Variants in SOAT1 observed in about 807,000 individuals in gnomAD.
SOAT1 encodes the protein sterol O-acyltransferase 1, also known as acyl-coenzyme A:cholesterol acyltransferase 1.
Under a neutral mutation model 69.5 loss-of-function variants are expected in SOAT1, and 55 were observed. The ratio of observed to expected loss-of-function variants is 0.79; its 90% CI spans 0.64 to 0.99. The LOEUF (loss-of-function observed/expected upper bound fraction) is 0.99. Among genes scored for constraint, SOAT1 ranks in the 50% least tolerant of loss-of-function variants. SOAT1 has a pLI of 0.00. For synonymous variants in SOAT1, 231 were observed against 224.7 expected (o/e 1.03, Z -0.25); for missense variants, 580 against 669.3 (o/e 0.87, Z 1.47).
At chr1:179,351,047 T>C (rs200510703) in intron 14 of SOAT1, among the ~76,000 whole-genome samples, 88,510 of 131,982 alleles carry the variant, frequency 0.67, 29,610 homozygotes, top group East Asian at 0.88. Context: ...TTTTTTTTTT[T>C]TTTTTTTTTT....
chr1:179,321,791 CA>C (rs1167291415), intron 2 of SOAT1, among the ~76,000 whole-genome samples: 1 of 152,066 alleles, frequency 6.6e-6, no homozygotes, highest in Non-Finnish European at 1.5e-5. Context: ...TTTGAAACTT[CA>C]ATTTTTTTTT....
chr1:179,326,732 A>G (rs1158471642), intron 3 of SOAT1, among the ~76,000 whole-genome samples: 2 of 151,656 alleles, frequency 1.3e-5, no homozygotes, highest in African/African-American at 2.4e-5. Context: ...TAATTTTTGT[A>G]TTTTTAGTAG....
At chr1:179,317,787 A>G (rs575163980) in intron 2 of SOAT1, among the ~76,000 whole-genome samples, 2 of 152,170 alleles carry the variant, frequency 1.3e-5, no homozygotes, top group East Asian at 3.9e-4. Flanking sequence ...GGTTCCCATA[A>G]TATAACAGAT....
At chr1:179,325,550 ATTC>A (rs893558251) in intron 3 of SOAT1, among the ~76,000 whole-genome samples, 2 of 152,060 alleles carry the variant, frequency 1.3e-5, no homozygotes, top group African/African-American at 4.8e-5. Context: ...TCCTTTTTCA[ATTC>A]TTCTTTTGTC....
chr1:179,312,989 T>G (rs1665269253), intron 2 of SOAT1, among the ~76,000 whole-genome samples: 1 of 152,216 alleles, frequency 6.6e-6, no homozygotes, highest in Non-Finnish European at 1.5e-5. Context: ...GATACTCAGG[T>G]CCATTTTTAA....
In SOAT1 at chr1:179,331,488, A is replaced by C. The variant is rs553012888; in HGVS notation, c.178-4018A>C. 2.6e-5 allele frequency among the ~76,000 whole-genome samples: 4 copies of C among 152,370 alleles called. No homozygotes were observed. In the East Asian group the frequency reaches 7.7e-4, roughly 29 times the overall value. On this transcript the variant is annotated intron_variant, in intron 3 of 15. Transcript: ENST00000367619. The stretch of plus-strand genomic sequence containing the variant: ...CACAGTGGCTCACGCCTGTAAACCC[A>C]GCACTTTGGGAGGCCAAGGCAGGCA...
At position 179,349,679 on chromosome 1, in the gene SOAT1, A is replaced by G. The variant is rs143578470; in HGVS notation, c.1315-617A>G. Among the ~76,000 whole-genome samples, 544 of 152,292 alleles carry G rather than the reference A, an allele frequency of 3.6e-3. 2 individuals carry two copies. The highest frequency in any genetic ancestry group is 0.012 in the African/African-American group (510 of 41,564). ...TTTGTGTGGATTTTGTATCTCTCCA[A>G]TCAGTGACACCTGGCTTTGAGACAT... is the stretch of plus-strand genomic sequence containing the variant. On this transcript the variant is annotated intron_variant, in intron 13 of 15. Coordinates refer to ENST00000367619, the MANE Select transcript of SOAT1 (RefSeq NM_003101.6).
intron 2 of SOAT1, among the ~76,000 whole-genome samples, chr1:179,305,414 ATTT>A (rs35559773): frequency 0.023 from 3,418 of 150,006 alleles, 65 homozygotes; most frequent in Middle Eastern, 0.052. Flanking sequence ...TCAGTACTTC[ATTT>A]TTTTTTTTTG....
In SOAT1 at chr1:179,305,184, G is replaced by C. The variant is rs75506658; in HGVS notation, c.118+2382G>C. 6.9e-3 allele frequency among the ~76,000 whole-genome samples: 1,052 copies of C among 152,214 alleles called. 17 individuals are homozygous for C. The highest frequency in any genetic ancestry group is 0.024 in the African/African-American group (1,006 of 41,550). On this transcript the variant is annotated intron_variant, in intron 2 of 15. Transcript: ENST00000367619. Reference sequence around the variant, plus strand: ...TTGATCTGGGCATTTCTTATAAGGGGATTCGTAGAACATGTGGCCTTTGTG... The same window carrying C: ...TTGATCTGGGCATTTCTTATAAGGGCATTCGTAGAACATGTGGCCTTTGTG...
At chr1:179,315,118 C>A (rs144890082) in intron 2 of SOAT1, among the ~76,000 whole-genome samples, 1 of 152,062 alleles carries the variant, frequency 6.6e-6, no homozygotes, top group Non-Finnish European at 1.5e-5. Context: ...AATTGAGAAG[C>A]CTTGAGTTGA....
intron 2 of SOAT1, among the ~76,000 whole-genome samples, chr1:179,311,606 G>A (rs1280586286): frequency 6.6e-6 from 1 of 151,934 alleles, no homozygotes; most frequent in Non-Finnish European, 1.5e-5. Flanking sequence ...CTAAATTTCA[G>A]TTATTTTGCC....
At chr1:179,333,207 GAC>G (rs1437280894) in intron 3 of SOAT1, among the ~76,000 whole-genome samples, 1 of 152,126 alleles carries the variant, frequency 6.6e-6, no homozygotes, top group East Asian at 1.9e-4. Context: ...CCTGGAGAGT[GAC>G]AACTGTGTCA....
chr1:179,313,911 T>G (rs1260599443), intron 2 of SOAT1, among the ~76,000 whole-genome samples: 1 of 152,104 alleles, frequency 6.6e-6, no homozygotes, highest in Non-Finnish European at 1.5e-5. Context: ...AGGACGACAC[T>G]GATCAGGAAT....
Position 179,313,687 on chromosome 1 carries a change from C to T in SOAT1, c.119-9750C>T, listed in dbSNP as rs553266755. On this transcript the variant is annotated intron_variant, in intron 2 of 15. Coordinates refer to ENST00000367619, the MANE Select transcript of SOAT1 (RefSeq NM_003101.6). ...GCAACCTCCGCCTCCCAGGTCCAAG[C>T]GATTCTCTTGCCTCACCCTCCCAGG... is the stretch of plus-strand genomic sequence containing the variant. Among the ~76,000 whole-genome samples, 3 of 152,204 alleles carry T rather than the reference C, an allele frequency of 2.0e-5. No individual in the cohort carries two copies. In the East Asian group the frequency reaches 5.8e-4, roughly 29 times the overall value.
rs1664871527 is a variant in SOAT1, at chr1:179,302,664, C to A, written c.-8-13C>A. 6.5e-7 allele frequency: 1 copy of A among 1,548,998 alleles called. No homozygotes were observed. The highest frequency in any genetic ancestry group is 1.4e-5 in the African/African-American group (1 of 72,078). On this transcript the variant is annotated splice_polypyrimidine_tract_variant and intron_variant, in intron 1 of 15. Transcript: ENST00000367619. The stretch of plus-strand genomic sequence containing the variant: ...CGGACTAATACGAAAGCTTTTTACA[C>A]CTTCTTTCCTAGACAATACAATGGT...
chr1:179,312,791 C>T, intron 2 of SOAT1, among the ~76,000 whole-genome samples: 1 of 152,218 alleles, frequency 6.6e-6, no homozygotes, highest in Middle Eastern at 3.2e-3. Context: ...AACCCTTTAC[C>T]CGCTTTGCCC....
intron 1 of SOAT1, among the ~76,000 whole-genome samples, chr1:179,295,358 T>C (rs1047276410): frequency 2.0e-5 from 3 of 152,178 alleles, no homozygotes; most frequent in Admixed American, 2.0e-4. Flanking sequence ...CCTCTGGAAA[T>C]CACCCCATCC....
chr1:179,343,590 G>T lies in SOAT1; in HGVS notation c.942G>T (p.Arg314Ser), dbSNP rs1666417856. The T allele has an allele frequency of 6.2e-7, 1 of 1,608,940 alleles. No individual in the cohort carries two copies. Residue 314 changes from arginine to serine, a missense_variant and splice_region_variant, in exon 10 of 16, where the codon AGG becomes AGT. Physicochemically the swap from Arg to Ser is moderately radical, Grantham distance 110. Coordinates refer to ENST00000367619, the MANE Select transcript of SOAT1 (RefSeq NM_003101.6). ...TTATTTTTGTTTCTTTCTTTTTCAG[G>T]AATCCCACTGTAAGATGGGGTTATG... is the stretch of plus-strand genomic sequence containing the variant. The part of the protein sequence containing the change: ...PTLIYRDSYP[R>S]NPTVRWGYVA...
At position 179,318,211 on chromosome 1, in the gene SOAT1, ACT is replaced by A. The variant is rs1665463223; in HGVS notation, c.119-5223_119-5222del. Among the ~76,000 whole-genome samples, 4 of 144,426 alleles carry A rather than the reference ACT, an allele frequency of 2.8e-5. 1 individual carries two copies. In the South Asian group the frequency reaches 8.3e-4, roughly 30 times the overall value. 94.7% of individuals were successfully genotyped at this position (144,426 alleles called of 152,430 possible). A position where few individuals can be genotyped will look rare whatever the true frequency, so the allele number is the denominator to read the frequency against. ...TCCTGTCTCAAAAAAAGCCCCCAAAACTCTACCCATATTTTATTAAAAGGGCA... is the reference window on the plus strand; with the variant it reads ...TCCTGTCTCAAAAAAAGCCCCCAAAACTACCCATATTTTATTAAAAGGGCA... On this transcript the variant is annotated intron_variant, in intron 2 of 15. Coordinates refer to ENST00000367619, the MANE Select transcript of SOAT1 (RefSeq NM_003101.6).
Sources: gnomAD v4.1 joint callset for allele counts (sites outside exome capture counted in the v4.1 genomes callset) on GRCh38, gnomAD v4.1.1 for gene constraint, MANE v1.5 for transcripts, NCBI Gene and HGNC (gene_info 2026-07-23, HGNC 2026-07-21) for gene names.